Variants in ABCD2 observed in about 807,000 individuals in gnomAD.
ABCD2 encodes ATP-binding cassette sub-family D member 2.
Under a neutral mutation model 70.9 loss-of-function variants are expected in ABCD2, and 36 were observed. That is an observed-to-expected ratio of 0.51 (90% CI 0.39 to 0.67). ABCD2 has a LOEUF of 0.67. ABCD2 is among the 30% of genes least tolerant of loss of function. ABCD2 has a pLI of 0.00. For synonymous variants in ABCD2, 304 were observed against 306.9 expected (o/e 0.99, Z 0.10); for missense variants, 729 against 890.2 (o/e 0.82, Z 2.30).
chr12:39,604,939 AAC>A lies in ABCD2; in HGVS notation c.1237-11_1237-10del. 2 of 1,562,238 alleles carry A rather than the reference AAC, an allele frequency of 1.3e-6. No homozygotes were observed. Among genetic ancestry groups the A allele is most frequent in the Non-Finnish European group, 1.7e-6 (2 of 1,160,308 alleles). ...CCTGCTAATTCAGTGACCTAAAAGCAACACAGAGATATAAAATAGAGTTACTA... is the reference window on the plus strand; with the variant it reads ...CCTGCTAATTCAGTGACCTAAAAGCAACAGAGATATAAAATAGAGTTACTA... On this transcript the variant is annotated splice_polypyrimidine_tract_variant and intron_variant, in intron 3 of 9. Transcript: ENST00000308666.
At chr12:39,593,872 A>T (rs183303966) in intron 6 of ABCD2, among the ~76,000 whole-genome samples, 3 of 152,220 alleles carry the variant, frequency 2.0e-5, no homozygotes, top group Non-Finnish European at 2.9e-5. Flanking sequence ...TGAATTTTAG[A>T]AGAATAGGAA....
At chr12:39,596,217 A>G (rs1941812850) in intron 6 of ABCD2, among the ~76,000 whole-genome samples, 1 of 152,220 alleles carries the variant, frequency 6.6e-6, no homozygotes, top group South Asian at 2.1e-4. Flanking sequence ...AACTGTTCAA[A>G]TCCTGAATTA....
chr12:39,563,245 C>T (rs899788804), intron 9 of ABCD2, among the ~76,000 whole-genome samples: 1 of 152,072 alleles, frequency 6.6e-6, no homozygotes. Flanking sequence ...CCCTCTGCAA[C>T]CAGGCATGGT....
At chr12:39,557,913 A>G (rs1941194210) in intron 9 of ABCD2, among the ~76,000 whole-genome samples, 1 of 152,216 alleles carries the variant, frequency 6.6e-6, no homozygotes, top group East Asian at 1.9e-4. Context: ...TTGCTAGGGT[A>G]GTGCAGAAGG....
At chr12:39,536,816 A>G in the ABCD2 span, among the ~76,000 whole-genome samples, 1 of 152,164 alleles carries the variant, frequency 6.6e-6, no homozygotes, top group African/African-American at 2.4e-5. Context: ...TTTGGCCAGC[A>G]GCATCACCTT....
the ABCD2 span, among the ~76,000 whole-genome samples, chr12:39,543,666 C>A: frequency 6.6e-6 from 1 of 152,220 alleles, no homozygotes; most frequent in Non-Finnish European, 1.5e-5. Context: ...AAAGTCCATA[C>A]AATTTCAGCA....
chr12:39,602,499 C>G (rs1478228436), intron 5 of ABCD2, among the ~76,000 whole-genome samples: 1 of 152,026 alleles, frequency 6.6e-6, no homozygotes, highest in Non-Finnish European at 1.5e-5. Context: ...GTATGAGATC[C>G]TTTCCTCTAG....
chr12:39,540,443 C>G, the ABCD2 span, among the ~76,000 whole-genome samples: 6 of 152,160 alleles, frequency 3.9e-5, no homozygotes, highest in Non-Finnish European at 8.8e-5. Flanking sequence ...TATTCTACCC[C>G]AAAACATGTT....
intron 9 of ABCD2, among the ~76,000 whole-genome samples, chr12:39,561,163 A>G (rs1941252020): frequency 6.6e-6 from 1 of 151,934 alleles, no homozygotes; most frequent in Non-Finnish European, 1.5e-5. Context: ...TTGGAGGCTG[A>G]GGTGGGCAGA....
chr12:39,538,131 C>T, the ABCD2 span, among the ~76,000 whole-genome samples: 1 of 151,922 alleles, frequency 6.6e-6, no homozygotes, highest in East Asian at 1.9e-4. Flanking sequence ...ATGCTTGGGC[C>T]ACTCCCACAC....
intron 2 of ABCD2, 117 bp downstream of exon 2, chr12:39,616,871 C>G: frequency 1.1e-6 from 1 of 898,470 alleles, no homozygotes; most frequent in Non-Finnish European, 1.6e-6. Flanking sequence ...TTGTTTCGGA[C>G]CATTGTTAAC....
At chr12:39,618,562 G>T (rs1365420115) in intron 1 of ABCD2, 115 bp downstream of exon 1, 4 of 861,576 alleles carry the variant, frequency 4.6e-6, no homozygotes, top group Non-Finnish European at 7.1e-6. Context: ...GATGTCAGAG[G>T]AATCTAAGAC....
the ABCD2 span, among the ~76,000 whole-genome samples, chr12:39,541,919 T>C: frequency 6.6e-6 from 1 of 152,188 alleles, no homozygotes; most frequent in Non-Finnish European, 1.5e-5. Context: ...ATCCTATCTG[T>C]ATAAAGTTTA....
chr12:39,578,378 G>A (rs1941549446), intron 8 of ABCD2, among the ~76,000 whole-genome samples: 1 of 151,550 alleles, frequency 6.6e-6, no homozygotes, highest in Admixed American at 6.6e-5. Flanking sequence ...GGAGGCTGAG[G>A]CAGGAGAATG....
At chr12:39,533,801 A>C in the ABCD2 span, among the ~76,000 whole-genome samples, 1 of 152,228 alleles carries the variant, frequency 6.6e-6, no homozygotes, top group Admixed American at 6.5e-5. Flanking sequence ...TATTCACAGC[A>C]TCTTTAGGTA....
chr12:39,616,667 A>G (rs1429825456), intron 2 of ABCD2, among the ~76,000 whole-genome samples: 2 of 152,148 alleles, frequency 1.3e-5, no homozygotes, highest in East Asian at 3.9e-4. Context: ...TGAGGGTACT[A>G]ACTTATTCTG....
At chr12:39,538,569 C>T in the ABCD2 span, among the ~76,000 whole-genome samples, 1 of 152,140 alleles carries the variant, frequency 6.6e-6, no homozygotes, top group Non-Finnish European at 1.5e-5. Flanking sequence ...GGACACCTTC[C>T]ACTGGTAACA....
intron 7 of ABCD2, among the ~76,000 whole-genome samples, chr12:39,585,173 G>C (rs1941648638): frequency 6.6e-6 from 1 of 152,116 alleles, no homozygotes; most frequent in Non-Finnish European, 1.5e-5. Flanking sequence ...TTTTCCATTT[G>C]TGTCTTCTCT....
intron 2 of ABCD2, among the ~76,000 whole-genome samples, chr12:39,611,767 G>T (rs1243347504): frequency 6.6e-6 from 1 of 152,020 alleles, no homozygotes; most frequent in East Asian, 1.9e-4. Context: ...GCCAGATGTA[G>T]GGTGGGAAAA....
Sources: gnomAD v4.1 joint callset for allele counts (sites outside exome capture counted in the v4.1 genomes callset) on GRCh38, gnomAD v4.1.1 for gene constraint, MANE v1.5 for transcripts, NCBI Gene and HGNC (gene_info 2026-07-23, HGNC 2026-07-21) for gene names.